Variants in KCNN2 observed in about 807,000 individuals in gnomAD.
KCNN2 encodes the protein potassium calcium-activated channel subfamily N member 2, also known as small conductance calcium-activated potassium channel protein 2.
Under a neutral mutation model 55.5 loss-of-function variants are expected in KCNN2, and 24 were observed. The ratio of observed to expected loss-of-function variants is 0.43; its 90% CI spans 0.31 to 0.61. The LOEUF is 0.61. Ranked by LOEUF, KCNN2 falls within the 20% of genes least tolerant of loss-of-function variation. The pLI, the probability that KCNN2 is intolerant of heterozygous loss-of-function variation, is 0.08. For synonymous variants in KCNN2, 431 were observed against 336.1 expected, an observed-to-expected ratio of 1.28 and a Z score of -3.09; for missense variants, 754 against 853.6, an observed-to-expected ratio of 0.88 and a Z score of 1.45.
intron 5 of KCNN2, among the ~76,000 whole-genome samples, chr5:114,482,267 T>G (rs187559686): frequency 1.3e-5 from 2 of 152,190 alleles, no homozygotes; most frequent in East Asian, 1.9e-4. Flanking sequence ...AACAAACTTA[T>G]GAAAAAATGC....
intron 3 of KCNN2, among the ~76,000 whole-genome samples, chr5:114,414,393 C>T (rs1759232455): frequency 6.6e-6 from 1 of 152,138 alleles, no homozygotes; most frequent in African/African-American, 2.4e-5. Flanking sequence ...AAAGCACCTA[C>T]TGTCTTTCAA....
intron 1 of KCNN2, among the ~76,000 whole-genome samples, chr5:114,213,367 A>G (rs2112584362): frequency 6.6e-6 from 1 of 151,254 alleles, no homozygotes; most frequent in East Asian, 1.9e-4. Flanking sequence ...AGATCTCTCC[A>G]GATAACACAT....
chr5:114,415,358 C>T (rs796403204), intron 3 of KCNN2, among the ~76,000 whole-genome samples: 2 of 152,184 alleles, frequency 1.3e-5, no homozygotes, highest in South Asian at 4.1e-4. Context: ...TACAAACCCA[C>T]CAGCAATCGG....
chr5:114,281,772 G>C lies in KCNN2; in HGVS notation c.-185+60207G>C, dbSNP rs1026527099. Among the ~76,000 whole-genome samples, 12 of 151,926 alleles carry C rather than the reference G, an allele frequency of 7.9e-5. No homozygotes were observed. In the East Asian group the frequency reaches 9.6e-4, roughly 12 times the overall value. On this transcript the variant is annotated intron_variant, in intron 2 of 10. Transcript: ENST00000512097. ...TGAAGCAGGTAAAATTTTAAAATAA[G>C]ATAATAAATTATGTCCTTGAAGGCT...
At chr5:114,112,660 T>C (rs936048129) in intron 1 of KCNN2, among the ~76,000 whole-genome samples, 3 of 143,310 alleles carry the variant, frequency 2.1e-5, no homozygotes, top group African/African-American at 8.3e-5. Flanking sequence ...TCTGTAAATT[T>C]CAAGATTGTA....
intron 6 of KCNN2, among the ~76,000 whole-genome samples, chr5:114,488,839 A>G (rs1747707258): frequency 6.6e-6 from 1 of 152,088 alleles, no homozygotes; most frequent in African/African-American, 2.4e-5. Flanking sequence ...TCTACCTTTA[A>G]TATTTTGGTA....
At chr5:114,469,377 G>A (rs1761609664) in intron 4 of KCNN2, among the ~76,000 whole-genome samples, 1 of 152,092 alleles carries the variant, frequency 6.6e-6, no homozygotes, top group South Asian at 2.1e-4. Flanking sequence ...TAAATACACT[G>A]TATTTTCTTC....
intron 1 of KCNN2, among the ~76,000 whole-genome samples, chr5:114,105,206 T>C (rs2112574918): frequency 6.6e-6 from 1 of 152,192 alleles, no homozygotes. Flanking sequence ...CAGAGCCTAT[T>C]TGTTGCCTTG....
intron 2 of KCNN2, among the ~76,000 whole-genome samples, chr5:114,393,009 A>G (rs1039133401): frequency 7.9e-5 from 12 of 151,820 alleles, no homozygotes; most frequent in Non-Finnish European, 2.9e-5. Context: ...AGCACCATAT[A>G]CTGTTCCATG....
intron 3 of KCNN2, among the ~76,000 whole-genome samples, chr5:114,461,387 C>T (rs955669547): frequency 3.3e-5 from 5 of 152,092 alleles, no homozygotes; most frequent in African/African-American, 1.2e-4. Context: ...ATTTCTGCAC[C>T]TCTGCCACAG....
At chr5:114,136,594 T>A (rs2954374) in intron 1 of KCNN2, among the ~76,000 whole-genome samples, 133,185 of 152,244 alleles carry the variant, frequency 0.87, 58,773 homozygotes, top group Middle Eastern at 0.97. Context: ...AATATTTTTC[T>A]TCATAAGCCT....
chr5:114,495,342 A>T (rs1233012521), intron 7 of KCNN2, among the ~76,000 whole-genome samples: 1 of 152,208 alleles, frequency 6.6e-6, no homozygotes, highest in Non-Finnish European at 1.5e-5. Flanking sequence ...AAGGATAACA[A>T]ACAATCTTTA....
intron 5 of KCNN2, among the ~76,000 whole-genome samples, chr5:114,475,940 C>T (rs902557189): frequency 2.0e-5 from 3 of 152,062 alleles, no homozygotes; most frequent in African/African-American, 7.2e-5. Flanking sequence ...AACTTATTGC[C>T]TGTTGAAAGC....
intron 1 of KCNN2, among the ~76,000 whole-genome samples, chr5:114,218,731 G>A (rs1171184289): frequency 6.6e-6 from 1 of 152,116 alleles, no homozygotes; most frequent in Non-Finnish European, 1.5e-5. Context: ...TATGGACTTC[G>A]GGTGATAATG....
chr5:114,304,450 C>G (rs1201822605), intron 2 of KCNN2, among the ~76,000 whole-genome samples: 1 of 152,124 alleles, frequency 6.6e-6, no homozygotes, highest in African/African-American at 2.4e-5. Context: ...TATGATTTGG[C>G]GAATCTTATA....
At chr5:114,164,943 G>A (rs888386022) in intron 1 of KCNN2, among the ~76,000 whole-genome samples, 10 of 152,100 alleles carry the variant, frequency 6.6e-5, no homozygotes, top group African/African-American at 1.4e-4. Flanking sequence ...TTAACTTAAC[G>A]TTCCTAATGA....
chr5:114,152,937 G>A (rs924183265), intron 1 of KCNN2, among the ~76,000 whole-genome samples: 1 of 152,166 alleles, frequency 6.6e-6, no homozygotes, highest in African/African-American at 2.4e-5. Flanking sequence ...CCTTGATGGA[G>A]TAATCTGAAA....
At chr5:114,223,755 G>C (rs1437820958) in intron 2 of KCNN2, among the ~76,000 whole-genome samples, 1 of 152,168 alleles carries the variant, frequency 6.6e-6, no homozygotes, top group Non-Finnish European at 1.5e-5. Flanking sequence ...AAGCTTGGAT[G>C]AAGGACTCAA....
At chr5:114,216,291 G>A (rs1046018809) in intron 1 of KCNN2, among the ~76,000 whole-genome samples, 20 of 152,088 alleles carry the variant, frequency 1.3e-4, no homozygotes, top group Admixed American at 3.9e-4. Flanking sequence ...TTGGACTAAC[G>A]TAGAAGATAA....
Sources: allele counts gnomAD v4.1 joint callset (sites outside exome capture counted in the v4.1 genomes callset), GRCh38; gene constraint gnomAD v4.1.1; transcripts MANE v1.5; gene names NCBI Gene and HGNC (gene_info 2026-07-23, HGNC 2026-07-21).